The following MYH10 variants were observed in gnomAD, a reference collection of about 807,000 sequenced individuals.
MYH10 encodes the protein myosin heavy chain 10, also known as myosin-10.
A neutral mutation model predicts 257.8 loss-of-function variants in MYH10; 55 were observed. The ratio of observed to expected loss-of-function variants is 0.21; its 90% confidence interval spans 0.17 to 0.27. The LOEUF (loss-of-function observed/expected upper bound fraction) is 0.27, where lower values mean the gene tolerates loss of function less well. MYH10 is among the 10% of genes least tolerant of loss of function. The pLI is 1.00. For missense variants in MYH10, 1,631 were observed against 2,500.6 expected (o/e 0.65, Z 7.42); for synonymous variants, 854 against 921.7 (o/e 0.93, Z 1.33).
chr17:8,535,489 C>T lies in MYH10; in HGVS notation c.1792G>A (p.Ala598Thr). ...ATATTCTTCATCAGCCACTCATCTG[C>T]CTTATAGTCCACCTATCCCGCACCA... Reference protein sequence around the residue: ...IHYAGKVDYKADEWLMKNMDP... With the variant: ...IHYAGKVDYKTDEWLMKNMDP... Residue 598 changes from alanine to threonine, a missense_variant, in exon 16 of 43, where the codon GCA (alanine) becomes ACA (threonine). Physicochemically the swap from Ala to Thr is moderately conservative, Grantham distance 58. Coordinates refer to ENST00000360416, the MANE Select transcript of MYH10 (RefSeq NM_001256012.3). The surrounding 1 kb of genome is among the most constrained non-coding windows in gnomAD (Gnocchi z 4.3). 1 of 1,613,170 alleles carries T rather than the reference C, an allele frequency of 6.2e-7. No homozygotes were observed. The highest frequency in any genetic ancestry group is 8.5e-7 in the Non-Finnish European group (1 of 1,179,454).
At position 8,521,082 on chromosome 17, in the gene MYH10, C is replaced by T. The variant is rs777854188; in HGVS notation, c.2151+10G>A. On this transcript the variant is annotated intron_variant, in intron 18 of 42. Coordinates refer to ENST00000360416, the MANE Select transcript of MYH10 (RefSeq NM_001256012.3). ...TTTAAATACTAGCATATGTTTTGCT[C>T]AGCACGTACCCTCTTCTCGTGATTT... is the stretch of plus-strand genomic sequence containing the variant. 35 of 1,613,986 alleles carry T rather than the reference C, an allele frequency of 2.2e-5. No homozygotes were observed. The highest frequency in any genetic ancestry group is 4.0e-5 in the African/African-American group (3 of 74,934).
At chr17:8,554,908 G>A (rs532874678) in intron 7 of MYH10, among the ~76,000 whole-genome samples, 2 of 151,534 alleles carry the variant, frequency 1.3e-5, no homozygotes, top group East Asian at 1.9e-4. Context: ...AACTGAGATC[G>A]CGCCACTGCA....
intron 7 of MYH10, among the ~76,000 whole-genome samples, chr17:8,565,556 T>G (rs776174356): frequency 6.6e-6 from 1 of 152,230 alleles, no homozygotes; most frequent in African/African-American, 2.4e-5. Context: ...GTAAACAATT[T>G]AAAGATATCT....
At chr17:8,523,540 CA>C (rs950306161) in intron 17 of MYH10, among the ~76,000 whole-genome samples, 14 of 152,120 alleles carry the variant, frequency 9.2e-5, no homozygotes, top group African/African-American at 2.7e-4. Flanking sequence ...TGTGAAAGAC[CA>C]GGGGCAGGAA....
intron 16 of MYH10, among the ~76,000 whole-genome samples, chr17:8,534,990 C>G (rs1368787374): frequency 6.6e-6 from 1 of 151,992 alleles, no homozygotes; most frequent in African/African-American, 2.4e-5. Flanking sequence ...GCGGCGGGTG[C>G]GGGTGGTGAG....
intron 7 of MYH10, among the ~76,000 whole-genome samples, chr17:8,555,126 GA>G (rs201062874): frequency 1.3e-5 from 2 of 150,834 alleles, no homozygotes; most frequent in Non-Finnish European, 3.0e-5. Flanking sequence ...AAAGAAACAA[GA>G]AAAAAAAATT....
intron 7 of MYH10, among the ~76,000 whole-genome samples, chr17:8,564,284 G>A (rs2083090641): frequency 6.6e-6 from 1 of 152,204 alleles, no homozygotes; most frequent in African/African-American, 2.4e-5. Context: ...GGATTCTAAA[G>A]CTTATGGAGT....
In MYH10 at chr17:8,569,579, T is replaced by C. The variant is rs1203949985; in HGVS notation, c.756+141A>G. 5.8e-6 allele frequency: 3 copies of C among 517,986 alleles called. No homozygotes were observed. Among genetic ancestry groups the C allele is most frequent in the Non-Finnish European group, 9.6e-6 (3 of 312,742 alleles). 32.1% of individuals were successfully genotyped at this position (517,986 alleles called of 1,614,324 possible). On this transcript the variant is annotated intron_variant, in intron 7 of 42. Coordinates refer to ENST00000360416, the MANE Select transcript of MYH10 (RefSeq NM_001256012.3). The surrounding 1 kb of genome is among the most constrained non-coding windows in gnomAD (Gnocchi z 4.1). ...GACTACTAGAAAATTTAAAATTACATGTGAGCTTGTATTATGTCTACAGAA... is the reference window on the plus strand; with the variant it reads ...GACTACTAGAAAATTTAAAATTACACGTGAGCTTGTATTATGTCTACAGAA...
intron 30 of MYH10, among the ~76,000 whole-genome samples, chr17:8,499,052 G>C (rs1917120055): frequency 6.6e-6 from 1 of 152,144 alleles, no homozygotes; most frequent in South Asian, 2.1e-4. Flanking sequence ...AACTGATCAA[G>C]TCCAATCATG....
At chr17:8,586,010 C>T (rs2083903787) in intron 4 of MYH10, among the ~76,000 whole-genome samples, 1 of 152,194 alleles carries the variant, frequency 6.6e-6, no homozygotes, top group African/African-American at 2.4e-5. Context: ...TCAGCAGCCA[C>T]ATAAGGAAAC....
chr17:8,503,071 T>C (rs1291577556), intron 28 of MYH10, among the ~76,000 whole-genome samples: 4 of 152,016 alleles, frequency 2.6e-5, no homozygotes, highest in Non-Finnish European at 4.4e-5. Flanking sequence ...TCACCTGAGG[T>C]CGGGAGTTTG....
intron 10 of MYH10, 47 bp downstream of exon 10, chr17:8,548,597 A>G: frequency 6.3e-7 from 1 of 1,598,148 alleles, no homozygotes; most frequent in Non-Finnish European, 8.5e-7. Context: ...CCAGATGTAT[A>G]AGTCTTAGGA....
intron 2 of MYH10, among the ~76,000 whole-genome samples, chr17:8,606,254 CAG>C (rs1315787449): frequency 6.6e-6 from 1 of 152,082 alleles, no homozygotes; most frequent in Non-Finnish European, 1.5e-5. Flanking sequence ...TAAATGTAGA[CAG>C]AATGATTTCT....
rs149647386 is a variant in MYH10, at chr17:8,506,745, A to T, written c.3215-256T>A. 4.3e-4 allele frequency among the ~76,000 whole-genome samples: 66 copies of T among 152,092 alleles called. No individual in the cohort carries two copies. The highest frequency in any genetic ancestry group is 1.5e-3 in the African/African-American group (63 of 41,498). Reference sequence around the variant, plus strand: ...TGTCCTAAGAATGTCCTTTCATGGGAGGTGAGACCACACTGTGAGAGCCGA... The same window carrying T: ...TGTCCTAAGAATGTCCTTTCATGGGTGGTGAGACCACACTGTGAGAGCCGA... On this transcript the variant is annotated intron_variant, in intron 26 of 42. Transcript: ENST00000360416. The surrounding 1 kb of genome is among the most constrained non-coding windows in gnomAD (Gnocchi z 5.0).
intron 3 of MYH10, among the ~76,000 whole-genome samples, chr17:8,600,966 C>A (rs1031099990): frequency 6.6e-6 from 1 of 152,014 alleles, no homozygotes; most frequent in Non-Finnish European, 1.5e-5. Context: ...GTGGGAGTTA[C>A]CTAAGGCAAA....
rs778318320 is a variant in MYH10, at chr17:8,545,621, C to A, written c.1279-21G>T. The stretch of plus-strand genomic sequence containing the variant: ...TCTGCCTGTAATTAAATCACAACAA[C>A]CTTTTATTCTGGAAACAATCTCAAC... On this transcript the variant is annotated intron_variant, in intron 12 of 42. Transcript: ENST00000360416. This position sits in a 1 kb window ranked among gnomAD's most constrained non-coding sequence, Gnocchi z 4.7. 1.2e-6 allele frequency: 2 copies of A among 1,602,292 alleles called. No homozygotes were observed. Among genetic ancestry groups the A allele is most frequent in the Non-Finnish European group, 1.7e-6 (2 of 1,175,602 alleles).
Position 8,535,069 on chromosome 17 carries a change from C to T in MYH10, c.1894+318G>A, listed in dbSNP as rs1427505376. Among the ~76,000 whole-genome samples, 3 of 152,072 alleles carry T rather than the reference C, an allele frequency of 2.0e-5. No individual in the cohort carries two copies. The East Asian group carries it at 5.8e-4, about 29-fold the overall frequency. On this transcript the variant is annotated intron_variant, in intron 16 of 42. Transcript: ENST00000360416. The surrounding 1 kb of genome is among the most constrained non-coding windows in gnomAD (Gnocchi z 4.3). The stretch of plus-strand genomic sequence containing the variant: ...AGCAGGCCTTCTCGGGTTTTGTGTT[C>T]CAGTGTTCCTGGATTACAACTGACT...
At chr17:8,577,752 G>A (rs1264059908) in intron 4 of MYH10, among the ~76,000 whole-genome samples, 3 of 152,050 alleles carry the variant, frequency 2.0e-5, no homozygotes, top group East Asian at 3.9e-4. Flanking sequence ...GGCTGGTCTC[G>A]AACTCCTGGC....
Position 8,477,461 on chromosome 17 carries a change from G to A in MYH10, c.5707-413C>T, listed in dbSNP as rs1912869336. Among the ~76,000 whole-genome samples the A allele has an allele frequency of 6.6e-6, 1 of 152,086 alleles. No homozygotes were observed. Among genetic ancestry groups the A allele is most frequent in the Non-Finnish European group, 1.5e-5 (1 of 68,032 alleles). The stretch of plus-strand genomic sequence containing the variant: ...ATGCATCTTTACACCTCCTTTCAAG[G>A]ATGGGCATCTCAGATACTAGACTTG... On this transcript the variant is annotated intron_variant, in intron 41 of 42. Coordinates refer to ENST00000360416, the MANE Select transcript of MYH10 (RefSeq NM_001256012.3). The surrounding 1 kb of genome is among the most constrained non-coding windows in gnomAD (Gnocchi z 4.2).
Sources: allele counts gnomAD v4.1 joint callset (sites outside exome capture counted in the v4.1 genomes callset), GRCh38; gene constraint gnomAD v4.1.1; non-coding constraint Gnocchi (gnomAD v3.1); transcripts MANE v1.5; gene names NCBI Gene and HGNC (gene_info 2026-07-23, HGNC 2026-07-21).